Variants in CHSY3 observed in about 807,000 individuals in gnomAD.
CHSY3 encodes the protein N-acetylgalactosaminyl-proteoglycan 3-beta-glucuronosyltransferase 3.
Under a neutral mutation model 67.2 loss-of-function variants are expected in CHSY3, and 35 were observed. The observed-to-expected ratio is 0.52, with a 90% CI of 0.40 to 0.69. CHSY3 has a LOEUF of 0.69. CHSY3 is among the 30% of genes least tolerant of loss of function. The pLI is 0.00. For synonymous variants in CHSY3, 474 were observed against 434.7 expected (o/e 1.09, Z -1.12); for missense variants, 1,069 against 1,138.5 (o/e 0.94, Z 0.88).
intron 2 of CHSY3, among the ~76,000 whole-genome samples, chr5:130,182,638 A>G (rs1770282394): frequency 6.6e-6 from 1 of 152,138 alleles, no homozygotes; most frequent in Non-Finnish European, 1.5e-5. Flanking sequence ...ATAAACCTTT[A>G]TGTTTACATC....
intron 2 of CHSY3, chr5:130,141,976 T>C (rs1253093607): frequency 5.6e-6 from 1 of 179,374 alleles, no homozygotes; most frequent in Non-Finnish European, 1.2e-5. Context: ...GATGTAGCAT[T>C]GTTCCACAAA....
intron 2 of CHSY3, among the ~76,000 whole-genome samples, chr5:130,158,915 T>C (rs1480505400): frequency 6.6e-6 from 1 of 151,564 alleles, no homozygotes; most frequent in Non-Finnish European, 1.5e-5. Flanking sequence ...ATCTTTTCAC[T>C]TCAGCCTCCC....
intron 2 of CHSY3, among the ~76,000 whole-genome samples, chr5:129,971,617 G>T (rs1244381215): frequency 6.6e-6 from 1 of 151,810 alleles, no homozygotes; most frequent in African/African-American, 2.4e-5. Context: ...AAAATTACTT[G>T]TCTAATGCTA....
chr5:130,165,838 T>C (rs1279814689), intron 2 of CHSY3, among the ~76,000 whole-genome samples: 1 of 152,116 alleles, frequency 6.6e-6, no homozygotes, highest in African/African-American at 2.4e-5. Context: ...GAAATATGAT[T>C]CTGAGTCATT....
chr5:130,127,032 C>G (rs578064669), intron 2 of CHSY3, among the ~76,000 whole-genome samples: 2 of 152,244 alleles, frequency 1.3e-5, no homozygotes, highest in South Asian at 4.1e-4. Context: ...ATTGGCATCT[C>G]CTGGGAAAGG....
At chr5:129,906,161 C>A (rs1452318072) in intron 1 of CHSY3, among the ~76,000 whole-genome samples, 1 of 152,182 alleles carries the variant, frequency 6.6e-6, no homozygotes, top group Non-Finnish European at 1.5e-5. Context: ...GAGGAATCGT[C>A]TTCGCTGTCC....
intron 2 of CHSY3, among the ~76,000 whole-genome samples, chr5:130,171,873 T>C (rs1252337848): frequency 6.6e-6 from 1 of 152,354 alleles, no homozygotes; most frequent in Admixed American, 6.5e-5. Flanking sequence ...AGGTTGTTTT[T>C]GACAGGATGC....
At chr5:129,931,392 C>A (rs1194513255) in intron 2 of CHSY3, among the ~76,000 whole-genome samples, 1 of 152,046 alleles carries the variant, frequency 6.6e-6, no homozygotes, top group African/African-American at 2.4e-5. Context: ...TTGAATAGTT[C>A]TATTTTCTTA....
chr5:129,956,072 G>T (rs905132328), intron 2 of CHSY3, among the ~76,000 whole-genome samples: 1 of 152,018 alleles, frequency 6.6e-6, no homozygotes, highest in Non-Finnish European at 1.5e-5. Flanking sequence ...CTGGGTTGAA[G>T]GTTCTCTAAA....
At chr5:130,018,220 C>T (rs1320202890) in intron 2 of CHSY3, among the ~76,000 whole-genome samples, 1 of 151,998 alleles carries the variant, frequency 6.6e-6, no homozygotes, top group African/African-American at 2.4e-5. Context: ...CAAAAAAAGT[C>T]CTATTTTTTA....
At chr5:129,994,256 C>T (rs1250207358) in intron 2 of CHSY3, among the ~76,000 whole-genome samples, 1 of 152,102 alleles carries the variant, frequency 6.6e-6, no homozygotes, top group Non-Finnish European at 1.5e-5. Flanking sequence ...TGAATGTTGA[C>T]CTGCCTTGCT....
intron 2 of CHSY3, among the ~76,000 whole-genome samples, chr5:130,152,816 T>C (rs1769267438): frequency 6.6e-6 from 1 of 152,200 alleles, no homozygotes; most frequent in Non-Finnish European, 1.5e-5. Flanking sequence ...TTTTGAAAAC[T>C]GAAGAAATTA....
At chr5:130,061,248 T>C (rs190202707) in intron 2 of CHSY3, among the ~76,000 whole-genome samples, 4 of 152,162 alleles carry the variant, frequency 2.6e-5, no homozygotes, top group South Asian at 2.1e-4. Context: ...AGAACCCAGA[T>C]ACAAAGCCAC....
intron 2 of CHSY3, among the ~76,000 whole-genome samples, chr5:130,107,966 T>G (rs1767464669): frequency 6.6e-6 from 1 of 151,720 alleles, no homozygotes; most frequent in Non-Finnish European, 1.5e-5. Flanking sequence ...TTCAGTATGT[T>G]ACAACGAAAA....
chr5:130,139,563 C>A (rs956358107), intron 2 of CHSY3, among the ~76,000 whole-genome samples: 3 of 152,142 alleles, frequency 2.0e-5, no homozygotes, highest in African/African-American at 4.8e-5. Flanking sequence ...AGTTAAAGTT[C>A]TTTTCTTCTG....
chr5:130,009,198 A>T (rs1763973691), intron 2 of CHSY3, among the ~76,000 whole-genome samples: 1 of 152,162 alleles, frequency 6.6e-6, no homozygotes. Flanking sequence ...AAAAGAAAAG[A>T]TATTTAAGAC....
chr5:130,111,245 C>G (rs992703111), intron 2 of CHSY3, among the ~76,000 whole-genome samples: 4 of 151,772 alleles, frequency 2.6e-5, no homozygotes, highest in Admixed American at 6.6e-5. Context: ...TCCTCACATG[C>G]CAATAATCTG....
intron 2 of CHSY3, among the ~76,000 whole-genome samples, chr5:129,945,674 C>T (rs1255107193): frequency 3.3e-5 from 5 of 151,944 alleles, no homozygotes; most frequent in African/African-American, 7.3e-5. Flanking sequence ...AGGAGACAGA[C>T]GGGTAGGTAA....
At chr5:130,180,388 CAT>C (rs1480803871) in intron 2 of CHSY3, among the ~76,000 whole-genome samples, 1 of 152,110 alleles carries the variant, frequency 6.6e-6, no homozygotes, top group Non-Finnish European at 1.5e-5. Context: ...AAATTTTCTT[CAT>C]ATATATATTA....
Sources: gnomAD v4.1 joint callset for allele counts (sites outside exome capture counted in the v4.1 genomes callset) on GRCh38, gnomAD v4.1.1 for gene constraint, MANE v1.5 for transcripts, NCBI Gene and HGNC (gene_info 2026-07-23, HGNC 2026-07-21) for gene names.